Variants in TMEM120B observed in about 807,000 individuals in gnomAD.
TMEM120B encodes transmembrane protein 120B.
Under a neutral mutation model 55.5 loss-of-function variants are expected in TMEM120B, and 31 were observed. The observed-to-expected ratio is 0.56, with a 90% confidence interval of 0.42 to 0.75. The LOEUF (loss-of-function observed/expected upper bound fraction) is 0.75, where lower values mean the gene tolerates loss of function less well. TMEM120B is among the 30% of genes least tolerant of loss of function. The probability of loss-of-function intolerance (pLI) is 0.00; values close to 1 mark genes in which losing one functional copy is unlikely to be tolerated. For synonymous variants in TMEM120B, 203 were observed against 176.3 expected, an observed-to-expected ratio of 1.15 and a Z score of -1.20; for missense variants, 399 against 425.5, an observed-to-expected ratio of 0.94 and a Z score of 0.55.
rs73413716 is a variant in TMEM120B, at chr12:121,777,222, A to G, written c.*1500A>G. 0.19 allele frequency: 29,498 copies of G among 151,982 alleles called. 4,686 individuals carry two copies. Among genetic ancestry groups the G allele is most frequent in the African/African-American group, 0.44 (18,095 of 41,326 alleles). The allele number at this position is 151,982 out of a possible 1,614,324, so 9.4% of individuals were successfully genotyped here. ...CTTGACCTTGTGATCTGCCTGCCTC[A>G]GCCTCCCAAAGTGCTGGGATTACAG... On this transcript the variant is annotated 3_prime_UTR_variant, in exon 12 of 12. Transcript: ENST00000449592.
At chr12:121,713,035 C>G in intron 1 of TMEM120B, 71 bp downstream of exon 1, 2 of 1,325,636 alleles carry the variant, frequency 1.5e-6, no homozygotes, top group South Asian at 1.5e-5. Flanking sequence ...CTGAGCCCCC[C>G]GGCCCGGGCG....
At chr12:121,728,811 G>A (rs1894946102) in intron 1 of TMEM120B, among the ~76,000 whole-genome samples, 1 of 152,198 alleles carries the variant, frequency 6.6e-6, no homozygotes, top group Admixed American at 6.5e-5. Context: ...TCCCAAACTG[G>A]GTTCATTCTC....
chr12:121,726,048 A>AAC (rs61275811), intron 1 of TMEM120B, among the ~76,000 whole-genome samples: 2 of 147,396 alleles, frequency 1.4e-5, no homozygotes, highest in Non-Finnish European at 3.0e-5. Flanking sequence ...AAAAAAAAAA[A>AAC]CAAAAAAAAA....
intron 1 of TMEM120B, among the ~76,000 whole-genome samples, chr12:121,721,593 T>A (rs1894789251): frequency 6.6e-6 from 1 of 151,636 alleles, no homozygotes. Flanking sequence ...TGCCTCAGTC[T>A]CCCGAGTAGC....
At chr12:121,745,135 C>T (rs1873043428) in intron 2 of TMEM120B, among the ~76,000 whole-genome samples, 1 of 152,122 alleles carries the variant, frequency 6.6e-6, no homozygotes, top group Admixed American at 6.5e-5. Flanking sequence ...CAAGATCTCT[C>T]CAGGCATTGC....
Position 121,748,310 on chromosome 12 carries a change from G to A in TMEM120B, c.189-16G>A. 6.2e-7 allele frequency: 1 copy of A among 1,600,978 alleles called. No individual in the cohort carries two copies. Among genetic ancestry groups the A allele is most frequent in the Non-Finnish European group, 8.5e-7 (1 of 1,170,190 alleles). On this transcript the variant is annotated splice_polypyrimidine_tract_variant and intron_variant, in intron 2 of 11. Transcript: ENST00000449592. ...GAGTGACGCCCCTTCCCCTGTGCCT[G>A]CATCTCTGTCCGCAGGTGCAAACGC...
In TMEM120B at chr12:121,762,661, C is replaced by T. The variant is rs1256185158; in HGVS notation, c.551+923C>T. On this transcript the variant is annotated intron_variant, in intron 6 of 11. Coordinates refer to ENST00000449592, the MANE Select transcript of TMEM120B (RefSeq NM_001080825.2). Reference sequence around the variant, plus strand: ...GTTCCTCAGAGGAAAACTGGGAGACCGTTACTAGGAGGATGGACGGGTTTT... The same window carrying T: ...GTTCCTCAGAGGAAAACTGGGAGACTGTTACTAGGAGGATGGACGGGTTTT... 6.6e-5 allele frequency among the ~76,000 whole-genome samples: 10 copies of T among 152,212 alleles called. No individual in the cohort carries two copies. The East Asian group carries it at 1.4e-3, about 21-fold the overall frequency.
At position 121,776,003 on chromosome 12, in the gene TMEM120B, G is replaced by A; in HGVS notation, c.*281G>A. 1 of 593,472 alleles carries A rather than the reference G, an allele frequency of 1.7e-6. No homozygotes were observed. The highest frequency in any genetic ancestry group is 3.0e-6 in the Non-Finnish European group (1 of 332,808). The allele number at this position is 593,472 out of a possible 1,614,324, so 36.8% of individuals were successfully genotyped here. A position where few individuals can be genotyped will look rare whatever the true frequency, so the allele number is the denominator to read the frequency against. On this transcript the variant is annotated 3_prime_UTR_variant, in exon 12 of 12. Coordinates refer to ENST00000449592, the MANE Select transcript of TMEM120B (RefSeq NM_001080825.2). ...CTGAGGCCGGGCCAGTCTTCCTGGG[G>A]ATGGGGCCTGAAGCCTCAGGGAGCC... is the stretch of plus-strand genomic sequence containing the variant.
At chr12:121,758,048 G>A in intron 5 of TMEM120B, 1 of 488,664 alleles carries the variant, frequency 2.0e-6, no homozygotes, top group Non-Finnish European at 2.7e-6. Context: ...GAGCCCAGGA[G>A]ATTAAGGCTA....
At position 121,781,267 on chromosome 12, in the gene TMEM120B, C is replaced by A; in HGVS notation, c.*5545C>A. On this transcript the variant is annotated 3_prime_UTR_variant, in exon 12 of 12. Coordinates refer to ENST00000449592, the MANE Select transcript of TMEM120B (RefSeq NM_001080825.2). ...ACTCTGACGGGTGAAGGGGAAGGGG[C>A]CAGGCAAGTGACCCTGCCTTAGGGC... 1 of 1,358,876 alleles carries A rather than the reference C, an allele frequency of 7.4e-7. No homozygotes were observed. The highest frequency in any genetic ancestry group is 1.0e-6 in the Non-Finnish European group (1 of 961,760). 84.2% of individuals were successfully genotyped at this position (1,358,876 alleles called of 1,614,324 possible).
At chr12:121,731,245 ATTTATT>A (rs1894997660) in intron 1 of TMEM120B, among the ~76,000 whole-genome samples, 5 of 152,050 alleles carry the variant, frequency 3.3e-5, no homozygotes, top group Admixed American at 3.3e-4. Context: ...GTTTAGATAC[ATTTATT>A]TATTTATTTT....
chr12:121,781,046 C>G lies in TMEM120B; in HGVS notation c.*5324C>G, dbSNP rs1463337863. 6.2e-7 allele frequency: 1 copy of G among 1,613,706 alleles called. No homozygotes were observed. Among genetic ancestry groups the G allele is most frequent in the Admixed American group, 1.7e-5 (1 of 59,998 alleles). The stretch of plus-strand genomic sequence containing the variant: ...GGCGGGATCAGGGGTGCGGCCGGGC[C>G]CAGATGTGGGGCCACCACCCAGGAG... On this transcript the variant is annotated 3_prime_UTR_variant, in exon 12 of 12. Transcript: ENST00000449592.
chr12:121,753,552 C>A (rs1002844967), intron 5 of TMEM120B, among the ~76,000 whole-genome samples: 1 of 151,406 alleles, frequency 6.6e-6, no homozygotes, highest in South Asian at 2.1e-4. Flanking sequence ...GCCTGGACAA[C>A]AGAGCGAGAC....
At chr12:121,736,136 T>C (rs1420740202) in intron 1 of TMEM120B, among the ~76,000 whole-genome samples, 1 of 152,038 alleles carries the variant, frequency 6.6e-6, no homozygotes, top group African/African-American at 2.4e-5. Flanking sequence ...GCAACATTTC[T>C]GGATGAGGCA....
intron 1 of TMEM120B, among the ~76,000 whole-genome samples, chr12:121,714,771 A>T (rs1894666895): frequency 1.3e-5 from 2 of 151,092 alleles, no homozygotes; most frequent in African/African-American, 4.9e-5. Context: ...CATGTTGGCC[A>T]GGATGGTCTC....
At chr12:121,759,062 C>A in intron 5 of TMEM120B, 1 of 978,214 alleles carries the variant, frequency 1.0e-6, no homozygotes, top group Non-Finnish European at 1.2e-6. Flanking sequence ...TTTAAGGGGA[C>A]ACAGGGAGTT....
intron 1 of TMEM120B, among the ~76,000 whole-genome samples, chr12:121,726,899 C>T (rs1207565846): frequency 9.4e-6 from 1 of 106,594 alleles, no homozygotes; most frequent in African/African-American, 4.0e-5. Context: ...CAGAGTGGGA[C>T]TCTGTCTCAA....
At chr12:121,736,101 C>G (rs1185847171) in intron 1 of TMEM120B, among the ~76,000 whole-genome samples, 4 of 152,110 alleles carry the variant, frequency 2.6e-5, no homozygotes, top group African/African-American at 9.7e-5. Flanking sequence ...TACGTTTTCT[C>G]TAAATGGAAG....
intron 1 of TMEM120B, among the ~76,000 whole-genome samples, chr12:121,723,162 GTTTGT>G (rs937353321): frequency 7.8e-6 from 1 of 128,870 alleles, no homozygotes; most frequent in African/African-American, 2.6e-5. Context: ...TTGTTTGTTT[GTTTGT>G]TTTGTTTTGT....
Sources: allele counts gnomAD v4.1 joint callset (sites outside exome capture counted in the v4.1 genomes callset), GRCh38; gene constraint gnomAD v4.1.1; transcripts MANE v1.5; gene names NCBI Gene and HGNC (gene_info 2026-07-23, HGNC 2026-07-21).